Variants in PLSCR2 observed in about 807,000 individuals in gnomAD.
PLSCR2 encodes phospholipid scramblase 2, also known as PL scramblase 2.
Under a neutral mutation model 25.3 loss-of-function variants are expected in PLSCR2, and 18 were observed. The ratio of observed to expected loss-of-function variants is 0.71; its 90% CI spans 0.49 to 1.06. The LOEUF is 1.06. PLSCR2 is among the 50% of genes least tolerant of loss of function. The pLI is 0.00. For missense variants in PLSCR2, 243 were observed against 269.5 expected, an observed-to-expected ratio of 0.90 and a Z score of 0.69; for synonymous variants, 88 against 87.3, an observed-to-expected ratio of 1.01 and a Z score of -0.04.
chr3:146,467,991 C>T (rs6767361), intron 1 of PLSCR2, among the ~76,000 whole-genome samples: 1 of 152,166 alleles, frequency 6.6e-6, no homozygotes, highest in Non-Finnish European at 1.5e-5. Context: ...TGTTTAAAGT[C>T]GCTCTACCTG....
intron 2 of PLSCR2, among the ~76,000 whole-genome samples, chr3:146,411,546 G>A (rs895263948): frequency 6.6e-6 from 1 of 152,214 alleles, no homozygotes. Flanking sequence ...CCTTCCGGGG[G>A]AGCCTGGAGC....
chr3:146,453,974 A>C, intron 5 of PLSCR2, 28 bp downstream of exon 5: 1 of 1,525,620 alleles, frequency 6.6e-7, no homozygotes, highest in Non-Finnish European at 8.8e-7. Flanking sequence ...AAAAAAGCAA[A>C]TCCTATAAAC....
At chr3:146,442,282 T>C (rs1330899964) in intron 6 of PLSCR2, among the ~76,000 whole-genome samples, 2 of 152,018 alleles carry the variant, frequency 1.3e-5, no homozygotes, top group Admixed American at 1.3e-4. Context: ...AAACATTCTG[T>C]ATACTGAAAA....
At chr3:146,474,577 G>A (rs1018050820) in intron 1 of PLSCR2, among the ~76,000 whole-genome samples, 13 of 151,918 alleles carry the variant, frequency 8.6e-5, no homozygotes, top group Admixed American at 2.0e-4. Flanking sequence ...TTTTTCCTTC[G>A]TTTCAGCCTG....
rs546470238 is a variant in PLSCR2 at position 146,427,870 on chromosome 3, A to G, written c.100+30541T>C. Among the ~76,000 whole-genome samples, 9 of 152,320 alleles carry G rather than the reference A, an allele frequency of 5.9e-5. No homozygotes were observed. In the South Asian group the frequency reaches 1.9e-3, roughly 32 times the overall value. On this transcript the variant is annotated intron_variant and NMD_transcript_variant, in intron 2 of 3. Coordinates refer to the PLSCR2 transcript ENST00000463633. ...CTAACAAAACCAATAGCCCAGAGCA[A>G]TATCTTTGTATGTATTTATTAATTG...
At chr3:146,471,766 C>T (rs1388174462) in intron 1 of PLSCR2, among the ~76,000 whole-genome samples, 2 of 152,080 alleles carry the variant, frequency 1.3e-5, no homozygotes, top group African/African-American at 2.4e-5. Flanking sequence ...GGGGTTTCCC[C>T]ATGTTGGCCA....
At chr3:146,392,955 T>G in intron 3 of PLSCR2, among the ~76,000 whole-genome samples, 1 of 151,536 alleles carries the variant, frequency 6.6e-6, no homozygotes, top group Admixed American at 6.6e-5. Context: ...TGTAATATTT[T>G]ATTACATATT....
exon 2 of PLSCR2, chr3:146,459,867 C>T (rs868638801): frequency 1.2e-6 from 2 of 1,610,734 alleles, no homozygotes; most frequent in East Asian, 2.2e-5. Context: ...GTATTCCAAT[C>T]CTGGCGGACA....
At chr3:146,487,288 A>G (rs2043381201) in intron 1 of PLSCR2, among the ~76,000 whole-genome samples, 1 of 152,078 alleles carries the variant, frequency 6.6e-6, no homozygotes, top group South Asian at 2.1e-4. Flanking sequence ...CTACTCCTGT[A>G]TAACATAGTA....
At chr3:146,440,428 T>A (rs935298102), downstream of PLSCR2, among the ~76,000 whole-genome samples, 1 of 152,204 alleles carries the variant, frequency 6.6e-6, no homozygotes, top group African/African-American at 2.4e-5. Flanking sequence ...TCCACCCAGT[T>A]TGAGCTTCTT....
At chr3:146,417,188 AATAAATCC>A (rs1036118860) in intron 2 of PLSCR2, among the ~76,000 whole-genome samples, 1 of 152,200 alleles carries the variant, frequency 6.6e-6, no homozygotes, top group Non-Finnish European at 1.5e-5. Context: ...AAACTTATAA[AATAAATCC>A]ATCTACAAAC....
At chr3:146,399,734 C>CT (rs949480138) in intron 2 of PLSCR2, among the ~76,000 whole-genome samples, 4 of 149,918 alleles carry the variant, frequency 2.7e-5, no homozygotes, top group Middle Eastern at 3.5e-3. Flanking sequence ...CTCTCTCTCT[C>CT]TTTTTTTTTC....
At chr3:146,421,385 G>A (rs1427395345) in intron 2 of PLSCR2, among the ~76,000 whole-genome samples, 1 of 151,938 alleles carries the variant, frequency 6.6e-6, no homozygotes, top group African/African-American at 2.4e-5. Context: ...GCATCAGAAA[G>A]GTTATAGATT....
chr3:146,483,509 A>ACATGTGTAT (rs1553791539), intron 1 of PLSCR2, among the ~76,000 whole-genome samples: 2 of 127,062 alleles, frequency 1.6e-5, no homozygotes, highest in Non-Finnish European at 3.3e-5. Context: ...ATATATATAT[A>ACATGTGTAT]ATGTTACTAC....
At chr3:146,416,107 C>T (rs951448136) in intron 2 of PLSCR2, among the ~76,000 whole-genome samples, 7 of 151,964 alleles carry the variant, frequency 4.6e-5, no homozygotes, top group Non-Finnish European at 7.4e-5. Context: ...CCCACCACCA[C>T]GCCTGGCTAA....
At chr3:146,477,999 G>C (rs1459292955) in intron 1 of PLSCR2, among the ~76,000 whole-genome samples, 4 of 152,188 alleles carry the variant, frequency 2.6e-5, no homozygotes, top group Non-Finnish European at 5.9e-5. Context: ...AACTCCAACA[G>C]ACCTGCAGCT....
chr3:146,418,378 T>A (rs2039050350), intron 2 of PLSCR2, among the ~76,000 whole-genome samples: 1 of 152,168 alleles, frequency 6.6e-6, no homozygotes, highest in Non-Finnish European at 1.5e-5. Context: ...CATGTAAATC[T>A]TGCATCGGTT....
At chr3:146,408,968 G>C (rs1286332403) in intron 2 of PLSCR2, among the ~76,000 whole-genome samples, 2 of 151,984 alleles carry the variant, frequency 1.3e-5, no homozygotes, top group Admixed American at 1.3e-4. Flanking sequence ...AGTACTTTTT[G>C]GCCTCTCTTC....
intron 6 of PLSCR2, among the ~76,000 whole-genome samples, chr3:146,448,888 T>C (rs954521684): frequency 5.3e-5 from 8 of 152,192 alleles, no homozygotes; most frequent in Non-Finnish European, 8.8e-5. Flanking sequence ...TTTTATTCCA[T>C]GTAAGACTAG....
Sources: allele counts gnomAD v4.1 joint callset (sites outside exome capture counted in the v4.1 genomes callset), GRCh38; gene constraint gnomAD v4.1.1; transcripts MANE v1.5; gene names NCBI Gene and HGNC (gene_info 2026-07-23, HGNC 2026-07-21).